The following INPP4B variants were observed in gnomAD, a reference collection of about 807,000 sequenced individuals.
The protein encoded by INPP4B is inositol polyphosphate 4-phosphatase type II.
Under a neutral mutation model 122.5 loss-of-function variants are expected in INPP4B, and 55 were observed. The observed-to-expected ratio is 0.45, with a 90% CI of 0.36 to 0.56. INPP4B has a LOEUF of 0.56. Ranked by LOEUF, INPP4B falls within the 20% of genes least tolerant of loss-of-function variation. The pLI, the probability that INPP4B is intolerant of heterozygous loss-of-function variation, is 0.00. For synonymous variants in INPP4B, 403 were observed against 388.7 expected (o/e 1.04, Z -0.43); for missense variants, 1,000 against 1,097.7 (o/e 0.91, Z 1.26).
chr4:142,585,613 A>C (rs1735990149), intron 2 of INPP4B, among the ~76,000 whole-genome samples: 1 of 152,106 alleles, frequency 6.6e-6, no homozygotes, highest in Non-Finnish European at 1.5e-5. Flanking sequence ...TGTTGGAGGA[A>C]GTCCAGCATG....
chr4:142,536,165 G>A (rs2150006261), intron 2 of INPP4B, among the ~76,000 whole-genome samples: 1 of 152,222 alleles, frequency 6.6e-6, no homozygotes, highest in Non-Finnish European at 1.5e-5. Context: ...TAGATTAATA[G>A]CATAGAAATA....
chr4:142,535,818 G>C (rs139922268), intron 2 of INPP4B, among the ~76,000 whole-genome samples: 15 of 151,862 alleles, frequency 9.9e-5, no homozygotes, highest in South Asian at 2.1e-4. Flanking sequence ...TCAGTCTTCA[G>C]TTATCAACTC....
Position 142,237,766 on chromosome 4 carries a change from T to A in INPP4B, c.836+98A>T, listed in dbSNP as rs1857305290. ...TTAGCTATTTCACAATGCATACATA[T>A]TTCAAAATGTTGCACAGATTATATA... On this transcript the variant is annotated intron_variant, in intron 12 of 25. Coordinates refer to ENST00000262992, the MANE Select transcript of INPP4B (RefSeq NM_001101669.3). The A allele has an allele frequency of 4.5e-6, 3 of 669,014 alleles. No homozygotes were observed. The East Asian group carries it at 8.7e-5, about 19-fold the overall frequency. The allele number at this position is 669,014 out of a possible 1,614,324, so 41.4% of individuals were successfully genotyped here.
rs200545631 is a variant in INPP4B at position 142,597,214 on chromosome 4, T to C, written c.-191+128625A>G. Among the ~76,000 whole-genome samples, 39 of 152,310 alleles carry C rather than the reference T, an allele frequency of 2.6e-4. 1 individual carries two copies. The East Asian group carries it at 6.0e-3, about 23-fold the overall frequency. ...TTGTAGGAGTTCCTGTTTATTATTATTCTGTCTTAATGTTCAAATGAAGAA... is the reference window on the plus strand; with the variant it reads ...TTGTAGGAGTTCCTGTTTATTATTACTCTGTCTTAATGTTCAAATGAAGAA... On this transcript the variant is annotated intron_variant, in intron 2 of 25. Transcript: ENST00000262992.
intron 5 of INPP4B, chr4:142,423,833 C>A (rs56346508): frequency 4.2e-5 from 18 of 433,164 alleles, no homozygotes; most frequent in Middle Eastern, 3.6e-4. Context: ...AAAAAAAAAA[C>A]CTTTATGTAT....
chr4:142,483,770 T>G (rs545467411), intron 2 of INPP4B, among the ~76,000 whole-genome samples: 1 of 152,148 alleles, frequency 6.6e-6, no homozygotes, highest in Non-Finnish European at 1.5e-5. Flanking sequence ...TCGTGTTGAG[T>G]GAGTACTGAA....
At chr4:142,607,541 T>C (rs1038017734) in intron 2 of INPP4B, among the ~76,000 whole-genome samples, 4 of 152,142 alleles carry the variant, frequency 2.6e-5, no homozygotes, top group African/African-American at 9.6e-5. Flanking sequence ...CTAGAGAATA[T>C]ATATTGGATT....
At chr4:142,491,194 C>T (rs979502225) in intron 2 of INPP4B, among the ~76,000 whole-genome samples, 5 of 152,002 alleles carry the variant, frequency 3.3e-5, no homozygotes, top group Non-Finnish European at 5.9e-5. Context: ...CAACACTGTA[C>T]AAGGCAAAAG....
At chr4:142,209,468 A>G (rs189720232) in intron 12 of INPP4B, among the ~76,000 whole-genome samples, 1 of 152,200 alleles carries the variant, frequency 6.6e-6, no homozygotes, top group Non-Finnish European at 1.5e-5. Flanking sequence ...TTCAGTTTAT[A>G]TATAATATAG....
At chr4:142,575,984 C>T (rs1211131248) in intron 2 of INPP4B, among the ~76,000 whole-genome samples, 1 of 152,042 alleles carries the variant, frequency 6.6e-6, no homozygotes, top group Non-Finnish European at 1.5e-5. Flanking sequence ...CCTTTCATAG[C>T]TGTTACAAAT....
intron 2 of INPP4B, among the ~76,000 whole-genome samples, chr4:142,671,471 G>A (rs552415291): frequency 6.6e-6 from 1 of 152,096 alleles, no homozygotes; most frequent in African/African-American, 2.4e-5. Context: ...TTTTTCCTCT[G>A]GGAATCCTTC....
intron 1 of INPP4B, among the ~76,000 whole-genome samples, chr4:142,782,834 A>C (rs1775095332): frequency 1.3e-5 from 2 of 152,312 alleles, no homozygotes; most frequent in Admixed American, 6.5e-5. Flanking sequence ...TCAATGGAAC[A>C]GAACAGAGCC....
chr4:142,135,372 AT>A (rs1415864378), intron 18 of INPP4B, among the ~76,000 whole-genome samples: 3 of 152,198 alleles, frequency 2.0e-5, no homozygotes, highest in Non-Finnish European at 2.9e-5. Flanking sequence ...TGGCCTACAA[AT>A]TTTATGTGGA....
chr4:142,792,667 A>T (rs1776718120), intron 1 of INPP4B, among the ~76,000 whole-genome samples: 1 of 152,032 alleles, frequency 6.6e-6, no homozygotes, highest in South Asian at 2.1e-4. Flanking sequence ...TAGAGTGGAA[A>T]ATGTCCTGAG....
At chr4:142,271,719 AG>A (rs1193864624) in intron 9 of INPP4B, among the ~76,000 whole-genome samples, 6 of 152,200 alleles carry the variant, frequency 3.9e-5, no homozygotes, top group Non-Finnish European at 7.3e-5. Context: ...GACCCTTCCA[AG>A]GTAACGAAGT....
At chr4:142,433,647 C>T (rs561417646) in intron 3 of INPP4B, among the ~76,000 whole-genome samples, 14 of 152,090 alleles carry the variant, frequency 9.2e-5, no homozygotes, top group Admixed American at 5.9e-4. Context: ...CAACACACAT[C>T]GAAAAATTGG....
chr4:142,690,193 T>C (rs145483709), intron 2 of INPP4B, among the ~76,000 whole-genome samples: 196 of 152,302 alleles, frequency 1.3e-3, no homozygotes, highest in Non-Finnish European at 2.2e-3. Context: ...CATGAATATA[T>C]GACTCAGGTG....
intron 12 of INPP4B, among the ~76,000 whole-genome samples, chr4:142,236,436 GCTT>G (rs1420376149): frequency 6.6e-6 from 1 of 152,042 alleles, no homozygotes; most frequent in African/African-American, 2.4e-5. Flanking sequence ...GGATAACTTG[GCTT>G]CTTAACTTCC....
chr4:142,449,049 C>A (rs1211612731), intron 3 of INPP4B, among the ~76,000 whole-genome samples: 2 of 152,152 alleles, frequency 1.3e-5, no homozygotes, highest in African/African-American at 4.8e-5. Context: ...CAATTGAATT[C>A]TCCAGGATGT....
Sources: allele counts gnomAD v4.1 joint callset (sites outside exome capture counted in the v4.1 genomes callset), GRCh38; gene constraint gnomAD v4.1.1; transcripts MANE v1.5; gene names NCBI Gene and HGNC (gene_info 2026-07-23, HGNC 2026-07-21).